Variants in NAA40 observed in about 807,000 individuals in gnomAD.
NAA40 encodes the protein N-alpha-acetyltransferase 40, NatD catalytic subunit, also known as N-alpha-acetyltransferase 40.
In NAA40, 26 loss-of-function variants were observed where a neutral mutation model predicts 36.6. The ratio of observed to expected loss-of-function variants is 0.71; its 90% CI spans 0.52 to 0.98. The LOEUF (loss-of-function observed/expected upper bound fraction) is 0.98, where lower values mean the gene tolerates loss of function less well. NAA40 is among the 50% of genes least tolerant of loss of function. The pLI, the probability that NAA40 is intolerant of heterozygous loss-of-function variation, is 0.00. For synonymous variants in NAA40, 129 were observed against 108.4 expected (o/e 1.19, Z -1.18); for missense variants, 237 against 306.5 (o/e 0.77, Z 1.69).
At chr11:63,939,523 C>G in intron 1 of NAA40, 1 of 996,420 alleles carries the variant, frequency 1.0e-6, no homozygotes, top group Non-Finnish European at 1.2e-6. Flanking sequence ...GGAAAGAAGG[C>G]GCCTAGCCAA....
chr11:63,944,103 C>T (rs1404500530), intron 1 of NAA40, among the ~76,000 whole-genome samples: 1 of 152,118 alleles, frequency 6.6e-6, no homozygotes, highest in East Asian at 1.9e-4. Context: ...CCTGTGAGTT[C>T]CTGGTATCTG....
intron 3 of NAA40, among the ~76,000 whole-genome samples, chr11:63,951,011 A>C (rs1244412490): frequency 2.0e-5 from 3 of 152,180 alleles, no homozygotes; most frequent in African/African-American, 7.2e-5. Flanking sequence ...GTGATAAAGA[A>C]AGGAAGATGC....
intron 3 of NAA40, among the ~76,000 whole-genome samples, chr11:63,949,743 GT>G (rs10708671): frequency 0.4 from 43,354 of 107,686 alleles, 7,426 homozygotes; most frequent in East Asian, 0.71. Flanking sequence ...CTTGCAAGCT[GT>G]TTTTTTTTTT....
intron 2 of NAA40, chr11:63,946,696 G>C: frequency 6.7e-7 from 1 of 1,494,290 alleles, no homozygotes; most frequent in Non-Finnish European, 8.9e-7. Context: ...ATGCCCACAG[G>C]CTAATGAGGT....
chr11:63,939,318 C>A, intron 1 of NAA40: 1 of 1,263,372 alleles, frequency 7.9e-7, no homozygotes, highest in Non-Finnish European at 1.0e-6. Context: ...GGCCCCACCC[C>A]CTCGGCGCCC....
At chr11:63,947,124 G>A (rs116356906) in intron 3 of NAA40, 121 bp downstream of exon 3, 55,456 of 1,091,724 alleles carry the variant, frequency 0.051, 2,357 homozygotes, top group African/African-American at 0.2. Flanking sequence ...CGAAAAAACA[G>A]GGCTGGGTGC....
At chr11:63,945,253 G>A (rs1409157390) in intron 1 of NAA40, among the ~76,000 whole-genome samples, 1 of 152,166 alleles carries the variant, frequency 6.6e-6, no homozygotes, top group Admixed American at 6.6e-5. Context: ...CCTGTCACTC[G>A]TTGGCCTTAA....
chr11:63,939,020 G>T lies in NAA40; in HGVS notation c.-77G>T, dbSNP rs1590746657. Reference sequence around the variant, plus strand: ...CAGGGCCGTCCGCTCTGCTGCCGCCGCTGTTGCAGCCACCGCCGTTGCCGC... The same window carrying T: ...CAGGGCCGTCCGCTCTGCTGCCGCCTCTGTTGCAGCCACCGCCGTTGCCGC... On this transcript the variant is annotated 5_prime_UTR_variant, in exon 1 of 8. Transcript: ENST00000377793. 1 of 1,414,414 alleles carries T rather than the reference G, an allele frequency of 7.1e-7. No homozygotes were observed. The highest frequency in any genetic ancestry group is 9.7e-7 in the Non-Finnish European group (1 of 1,031,920). 87.6% of individuals were successfully genotyped at this position (1,414,414 alleles called of 1,614,324 possible). A position where few individuals can be genotyped will look rare whatever the true frequency, so the allele number is the denominator to read the frequency against.
chr11:63,942,676 A>C (rs1258035488), intron 1 of NAA40, among the ~76,000 whole-genome samples: 2 of 152,212 alleles, frequency 1.3e-5, no homozygotes, highest in African/African-American at 2.4e-5. Context: ...CCTTACTTCC[A>C]CAAGGCAGGG....
At position 63,956,208 on chromosome 11, in the gene NAA40, G is replaced by A. The variant is rs1942363232; in HGVS notation, c.*1729G>A. On this transcript the variant is annotated 3_prime_UTR_variant, in exon 8 of 8. Transcript: ENST00000377793. ...GCCTCTGCCTCTGCCTCACCCTGCTGGCTCCTGGTGGGTTTCATCCCAGGC... is the reference window on the plus strand; with the variant it reads ...GCCTCTGCCTCTGCCTCACCCTGCTAGCTCCTGGTGGGTTTCATCCCAGGC... The A allele has an allele frequency of 6.5e-6, 1 of 152,724 alleles. No homozygotes were observed. The highest frequency in any genetic ancestry group is 2.4e-5 in the African/African-American group (1 of 41,456). 9.5% of individuals were successfully genotyped at this position (152,724 alleles called of 1,614,324 possible).
Position 63,954,431 on chromosome 11 carries a change from C to A in NAA40, c.666C>A (p.Asp222Glu). The A allele has an allele frequency of 6.2e-7, 1 of 1,612,836 alleles. No individual in the cohort carries two copies. The highest frequency in any genetic ancestry group is 2.2e-5 in the East Asian group (1 of 44,790). ...EILSRRTKFG[D>E]SHHSHAGGHC... ...TGAGCCGGAGGACCAAGTTTGGGGA[C>A]AGCCATCACTCCCACGCGGGTGGGC... is the stretch of plus-strand genomic sequence containing the variant. The change falls in exon 8 of 8, where the codon GAC becomes GAA. Residue 222 changes from aspartate (D) to glutamate (E), a missense_variant. Transcript: ENST00000377793.
intron 1 of NAA40, among the ~76,000 whole-genome samples, 182 bp from the exon 2 acceptor site, chr11:63,945,658 T>C (rs1942174442): frequency 6.6e-6 from 1 of 152,094 alleles, no homozygotes; most frequent in Non-Finnish European, 1.5e-5. Context: ...CTCTGAGGAC[T>C]CCCCACTACA....
chr11:63,939,643 A>G (rs1942074262), intron 1 of NAA40: 1 of 219,596 alleles, frequency 4.6e-6, no homozygotes, highest in South Asian at 1.6e-4. Context: ...CACTCTTTCG[A>G]AACCTCTCCA....
At chr11:63,948,445 G>C (rs536258695) in intron 3 of NAA40, among the ~76,000 whole-genome samples, 1 of 152,094 alleles carries the variant, frequency 6.6e-6, no homozygotes, top group Non-Finnish European at 1.5e-5. Context: ...TTTGCTGGGC[G>C]TGGTGGCTCA....
At chr11:63,949,950 T>C (rs1183190423) in intron 3 of NAA40, among the ~76,000 whole-genome samples, 2 of 151,756 alleles carry the variant, frequency 1.3e-5, no homozygotes, top group Non-Finnish European at 2.9e-5. Flanking sequence ...TTCACCGTGT[T>C]AGCCAGGATG....
chr11:63,946,857 C>G, intron 2 of NAA40, 94 bp from the exon 3 acceptor site: 1 of 1,607,362 alleles, frequency 6.2e-7, no homozygotes, highest in Non-Finnish European at 8.5e-7. Flanking sequence ...TGTGGGTCCC[C>G]ACAGCATCCC....
At chr11:63,951,648 A>G (rs1455719801) in intron 3 of NAA40, among the ~76,000 whole-genome samples, 3 of 150,676 alleles carry the variant, frequency 2.0e-5, no homozygotes, top group Non-Finnish European at 3.0e-5. Context: ...TCCTGCCTCA[A>G]TCTGTTTGAT....
chr11:63,954,362 C>T lies in NAA40; in HGVS notation c.597C>T (p.Pro199=), dbSNP rs2134282155. The change falls in exon 8 of 8, where the codon CCC becomes CCT. Residue 199 remains proline, a synonymous_variant. Coordinates refer to ENST00000377793, the MANE Select transcript of NAA40 (RefSeq NM_024771.4). ...ALQFEIDDSS[P]SMSGCCGEDC... The stretch of plus-strand genomic sequence containing the variant: ...GATTTGAAATTGATGACTCTTCCCC[C>T]AGCATGTCCGGTTGCTGTGGGGAGG... 1 of 1,602,878 alleles carries T rather than the reference C, an allele frequency of 6.2e-7. No homozygotes were observed. The highest frequency in any genetic ancestry group is 8.5e-7 in the Non-Finnish European group (1 of 1,175,516).
rs757745599 is a variant in NAA40, at chr11:63,945,860, G to A, written c.27G>A (p.Lys9=). The change falls in exon 2 of 8, where the codon AAG becomes AAA. Residue 9 remains lysine, a synonymous_variant. Transcript: ENST00000377793. MGRKSSKA[K]EKKQKRLEER... ...TGCAGAGAAAGTCAAGCAAAGCCAAGGAGAAGAAGCAGAAGCGGTTGGAGG... is the reference window on the plus strand; with the variant it reads ...TGCAGAGAAAGTCAAGCAAAGCCAAAGAGAAGAAGCAGAAGCGGTTGGAGG... The A allele has an allele frequency of 1.3e-5, 21 of 1,614,172 alleles. No individual in the cohort carries two copies. The highest frequency in any genetic ancestry group is 1.7e-5 in the Admixed American group (1 of 60,000).
Sources: allele counts gnomAD v4.1 joint callset (sites outside exome capture counted in the v4.1 genomes callset), GRCh38; gene constraint gnomAD v4.1.1; transcripts MANE v1.5; gene names NCBI Gene and HGNC (gene_info 2026-07-23, HGNC 2026-07-21).